The following ADCY2 variants were observed in gnomAD, a reference collection of about 807,000 sequenced individuals.
ADCY2 encodes the protein adenylate cyclase type 2.
A neutral mutation model predicts 125.2 loss-of-function variants in ADCY2; 31 were observed. The ratio of observed to expected loss-of-function variants is 0.25; its 90% CI spans 0.19 to 0.33. The LOEUF (loss-of-function observed/expected upper bound fraction) is 0.33, where lower values mean the gene tolerates loss of function less well. Ranked by LOEUF, ADCY2 falls within the 10% of genes least tolerant of loss-of-function variation. The probability of loss-of-function intolerance (pLI) is 1.00; values close to 1 mark genes in which losing one functional copy is unlikely to be tolerated. For missense variants in ADCY2, 904 were observed against 1,418.2 expected, an observed-to-expected ratio of 0.64 and a Z score of 5.82; for synonymous variants, 512 against 548.4, an observed-to-expected ratio of 0.93 and a Z score of 0.93.
chr5:7,661,054 T>C (rs1330933665), intron 4 of ADCY2, among the ~76,000 whole-genome samples: 2 of 147,636 alleles, frequency 1.4e-5, no homozygotes, highest in Admixed American at 6.7e-5. Flanking sequence ...ATTTGTAAAG[T>C]TTTTTTTTAA....
At chr5:7,632,120 C>T (rs1579256161) in intron 4 of ADCY2, among the ~76,000 whole-genome samples, 1 of 152,274 alleles carries the variant, frequency 6.6e-6, no homozygotes, top group Middle Eastern at 3.4e-3. Flanking sequence ...TAAAGCAGCA[C>T]ATTTTAATAT....
chr5:7,582,660 T>C (rs549334401), intron 3 of ADCY2, among the ~76,000 whole-genome samples: 3 of 152,196 alleles, frequency 2.0e-5, no homozygotes, highest in African/African-American at 7.2e-5. Flanking sequence ...AATGGGAGAA[T>C]TACATGGCAA....
chr5:7,534,500 G>A (rs1734752671), intron 3 of ADCY2, among the ~76,000 whole-genome samples: 1 of 152,120 alleles, frequency 6.6e-6, no homozygotes, highest in Admixed American at 6.5e-5. Flanking sequence ...CATAAGATGA[G>A]GGAGGGATGA....
intron 20 of ADCY2, among the ~76,000 whole-genome samples, chr5:7,791,007 A>G (rs1744233360): frequency 6.6e-6 from 1 of 151,734 alleles, no homozygotes; most frequent in Non-Finnish European, 1.5e-5. Context: ...TTGCATTGCC[A>G]GGATAAGAGT....
intron 3 of ADCY2, among the ~76,000 whole-genome samples, chr5:7,606,579 C>A (rs954114821): frequency 6.6e-6 from 1 of 152,154 alleles, no homozygotes; most frequent in East Asian, 1.9e-4. Flanking sequence ...TCTACCCGGG[C>A]ACATTCTTGC....
At chr5:7,551,415 C>T (rs1255675237) in intron 3 of ADCY2, among the ~76,000 whole-genome samples, 2 of 152,100 alleles carry the variant, frequency 1.3e-5, no homozygotes, top group Non-Finnish European at 2.9e-5. Context: ...AATGACTCAA[C>T]CAAGTCTCCA....
At chr5:7,725,963 TCA>T (rs1741917176) in intron 13 of ADCY2, among the ~76,000 whole-genome samples, 1 of 152,160 alleles carries the variant, frequency 6.6e-6, no homozygotes, top group Non-Finnish European at 1.5e-5. Context: ...AGACTTAAGC[TCA>T]GTTTTTGTCC....
At chr5:7,422,206 TTTC>T (rs1740229861) in intron 2 of ADCY2, among the ~76,000 whole-genome samples, 1 of 152,176 alleles carries the variant, frequency 6.6e-6, no homozygotes, top group Non-Finnish European at 1.5e-5. Flanking sequence ...TTTGTTTTTC[TTTC>T]TTTTTTTTTT....
At chr5:7,807,031 A>C (rs568826664) in intron 22 of ADCY2, among the ~76,000 whole-genome samples, 2 of 152,042 alleles carry the variant, frequency 1.3e-5, no homozygotes, top group African/African-American at 2.4e-5. Flanking sequence ...CATCAGGAGC[A>C]CTTCACCTGA....
chr5:7,794,784 C>T (rs1744371471), intron 20 of ADCY2: 1 of 152,156 alleles, frequency 6.6e-6, no homozygotes, highest in African/African-American at 2.4e-5. Flanking sequence ...TAATATTAAC[C>T]TTGCAATCCC....
chr5:7,634,451 C>T (rs937285764), intron 4 of ADCY2, among the ~76,000 whole-genome samples: 2 of 152,102 alleles, frequency 1.3e-5, no homozygotes, highest in Admixed American at 6.6e-5. Flanking sequence ...AATGTACTTA[C>T]GGATGATGGG....
intron 2 of ADCY2, among the ~76,000 whole-genome samples, chr5:7,475,601 C>T (rs994031415): frequency 6.6e-6 from 1 of 152,164 alleles, no homozygotes; most frequent in African/African-American, 2.4e-5. Flanking sequence ...AGGCTGTTCT[C>T]GAACCCCTGA....
At chr5:7,698,201 C>T (rs778307357) in intron 6 of ADCY2, 46 bp from the exon 7 acceptor site, 11 of 1,609,814 alleles carry the variant, frequency 6.8e-6, no homozygotes, top group Non-Finnish European at 9.3e-6. Flanking sequence ...CTAGATCATT[C>T]TGCAAGTGCT....
intron 2 of ADCY2, among the ~76,000 whole-genome samples, chr5:7,482,062 C>A (rs10475373): frequency 3.1e-4 from 47 of 152,036 alleles, no homozygotes; most frequent in Admixed American, 2.0e-3. Flanking sequence ...AAGTCTGTCA[C>A]TATGTGTATT....
intron 3 of ADCY2, among the ~76,000 whole-genome samples, chr5:7,624,572 C>G (rs1192852684): frequency 6.6e-6 from 1 of 152,174 alleles, no homozygotes; most frequent in Non-Finnish European, 1.5e-5. Flanking sequence ...TTCCCAAACC[C>G]TCAAGTTAGA....
At chr5:7,533,115 A>G (rs1243258362) in intron 3 of ADCY2, among the ~76,000 whole-genome samples, 1 of 150,406 alleles carries the variant, frequency 6.6e-6, no homozygotes, top group Admixed American at 6.7e-5. Context: ...ATACACATAT[A>G]TACATATATG....
intron 22 of ADCY2, among the ~76,000 whole-genome samples, chr5:7,811,051 T>C (rs1181082244): frequency 1.3e-5 from 2 of 152,188 alleles, no homozygotes; most frequent in Non-Finnish European, 2.9e-5. Flanking sequence ...CTCTAGCCAT[T>C]ACTCACAGTT....
chr5:7,798,518 C>CA (rs1744493336), intron 20 of ADCY2: 1 of 151,848 alleles, frequency 6.6e-6, no homozygotes, highest in Admixed American at 6.6e-5. Context: ...AAAAGGCCCA[C>CA]ACTGGGGAAG....
intron 3 of ADCY2, among the ~76,000 whole-genome samples, chr5:7,594,538 C>T (rs1736944792): frequency 6.6e-6 from 1 of 152,206 alleles, no homozygotes. Context: ...TAGCCAGGAA[C>T]TCTTGTGTGA....
Sources: gnomAD v4.1 joint callset for allele counts (sites outside exome capture counted in the v4.1 genomes callset) on GRCh38, gnomAD v4.1.1 for gene constraint, MANE v1.5 for transcripts, NCBI Gene and HGNC (gene_info 2026-07-23, HGNC 2026-07-21) for gene names.